Variants in DSCAM observed in about 807,000 individuals in gnomAD.
The protein encoded by DSCAM is cell adhesion molecule DSCAM.
In DSCAM, 47 loss-of-function variants were observed where a neutral mutation model predicts 217.7. The observed-to-expected ratio is 0.22, with a 90% CI of 0.17 to 0.28. The LOEUF is 0.28. DSCAM is among the 10% of genes least tolerant of loss of function. The pLI, the probability that DSCAM is intolerant of heterozygous loss-of-function variation, is 1.00. For synonymous variants in DSCAM, 1,056 were observed against 1,015.3 expected, an observed-to-expected ratio of 1.04 and a Z score of -0.76; for missense variants, 2,080 against 2,618.3, an observed-to-expected ratio of 0.79 and a Z score of 4.49.
chr21:40,704,593 T>C (rs560207121), intron 2 of DSCAM, among the ~76,000 whole-genome samples: 3 of 152,116 alleles, frequency 2.0e-5, no homozygotes, highest in South Asian at 2.1e-4. Context: ...TGGTGACTTA[T>C]GCCTGTAGCC....
chr21:40,843,986 A>T lies in DSCAM; in HGVS notation c.43+2633T>A, dbSNP rs1240782815. On this transcript the variant is annotated intron_variant, in intron 1 of 32. Coordinates refer to ENST00000400454, the MANE Select transcript of DSCAM (RefSeq NM_001389.5). ...TAATCTTTTACAAATGAAAAAAAAA[A>T]GTTATCATGTCAGGCATTTTGATGC... Among the ~76,000 whole-genome samples the T allele has an allele frequency of 3.3e-5, 5 of 152,108 alleles. 1 individual carries two copies. The South Asian group carries it at 1.0e-3, about 32-fold the overall frequency.
chr21:40,370,904 C>T (rs2074890964), intron 3 of DSCAM, among the ~76,000 whole-genome samples: 1 of 152,096 alleles, frequency 6.6e-6, no homozygotes, highest in Non-Finnish European at 1.5e-5. Flanking sequence ...AGTGTAATCC[C>T]TCCCAAAGTG....
chr21:40,778,139 C>A (rs1224079601), intron 1 of DSCAM, among the ~76,000 whole-genome samples: 1 of 152,056 alleles, frequency 6.6e-6, no homozygotes, highest in Non-Finnish European at 1.5e-5. Flanking sequence ...AAAGAAAATT[C>A]TAAAGGATAT....
chr21:40,447,998 A>G (rs2075688741), intron 3 of DSCAM, among the ~76,000 whole-genome samples: 1 of 152,254 alleles, frequency 6.6e-6, no homozygotes, highest in African/African-American at 2.4e-5. Context: ...TAATAAAATT[A>G]AGCATTTCTT....
At chr21:40,367,630 G>T (rs1390823180) in intron 4 of DSCAM, among the ~76,000 whole-genome samples, 1 of 152,058 alleles carries the variant, frequency 6.6e-6, no homozygotes, top group Non-Finnish European at 1.5e-5. Flanking sequence ...AAAAAATATT[G>T]AGTTATTTTC....
chr21:40,343,916 T>C (rs950987962), intron 6 of DSCAM, among the ~76,000 whole-genome samples: 2 of 138,214 alleles, frequency 1.4e-5, no homozygotes. Flanking sequence ...TTTTATTTTA[T>C]TTTTAGAGAT....
intron 1 of DSCAM, among the ~76,000 whole-genome samples, chr21:40,752,919 A>ATGAAGTAATAGATGAAATAGATG (rs2091242656): frequency 6.6e-6 from 1 of 152,180 alleles, no homozygotes; most frequent in Non-Finnish European, 1.5e-5. Context: ...TGTTGAATGA[A>ATGAAGTAATAGATGAAATAGATG]TGAAGTAATA....
At chr21:40,177,515 C>A (rs1032768078) in intron 15 of DSCAM, among the ~76,000 whole-genome samples, 2 of 152,168 alleles carry the variant, frequency 1.3e-5, no homozygotes, top group South Asian at 4.1e-4. Flanking sequence ...TACATTTTAA[C>A]CTATTCTCTT....
chr21:40,772,400 C>T (rs2091453314), intron 1 of DSCAM, among the ~76,000 whole-genome samples: 1 of 152,194 alleles, frequency 6.6e-6, no homozygotes, highest in South Asian at 2.1e-4. Flanking sequence ...AACTCCCGAC[C>T]TCAGGTGATC....
At chr21:40,678,800 G>T (rs2090368856) in intron 3 of DSCAM, among the ~76,000 whole-genome samples, 1 of 152,178 alleles carries the variant, frequency 6.6e-6, no homozygotes, top group Admixed American at 6.5e-5. Flanking sequence ...AAAACTGAAA[G>T]TAAAGTCTGA....
At chr21:40,706,410 T>C (rs575096599) in intron 2 of DSCAM, among the ~76,000 whole-genome samples, 4 of 152,238 alleles carry the variant, frequency 2.6e-5, no homozygotes, top group Admixed American at 2.6e-4. Flanking sequence ...TGATGATTAA[T>C]GAGACATGAT....
intron 18 of DSCAM, among the ~76,000 whole-genome samples, chr21:40,135,287 T>C (rs1018010094): frequency 1.1e-4 from 16 of 152,230 alleles, no homozygotes; most frequent in Admixed American, 8.5e-4. Context: ...TGCTTGTCAA[T>C]CCCTCTCACT....
intron 3 of DSCAM, among the ~76,000 whole-genome samples, chr21:40,434,646 A>C (rs1180893441): frequency 1.3e-5 from 2 of 152,204 alleles, no homozygotes; most frequent in Non-Finnish European, 2.9e-5. Context: ...AAAATAATGC[A>C]GCAGCACCTC....
At chr21:40,526,326 T>C (rs951069678) in intron 3 of DSCAM, among the ~76,000 whole-genome samples, 1 of 152,144 alleles carries the variant, frequency 6.6e-6, no homozygotes, top group Non-Finnish European at 1.5e-5. Flanking sequence ...TGTTCATGCC[T>C]TGTTTGTGAC....
intron 27 of DSCAM, among the ~76,000 whole-genome samples, chr21:40,067,742 T>TTCCCTCCCTCCCTCCCTCCC (rs763376801): frequency 2.5e-5 from 1 of 39,806 alleles, no homozygotes; most frequent in African/African-American, 1.3e-4. Context: ...CCTCCCCTCA[T>TTCCCTCCCTCCCTCCCTCCC]TCCCTCCCTC....
chr21:40,068,371 A>C (rs1032173648), intron 27 of DSCAM, among the ~76,000 whole-genome samples: 6 of 152,246 alleles, frequency 3.9e-5, no homozygotes, highest in Admixed American at 3.9e-4. Flanking sequence ...AGTGGAGAAA[A>C]GAATCAGAGA....
intron 3 of DSCAM, among the ~76,000 whole-genome samples, chr21:40,409,005 A>G (rs950237189): frequency 6.6e-6 from 1 of 152,198 alleles, no homozygotes; most frequent in African/African-American, 2.4e-5. Context: ...AGAAATCACT[A>G]AATATTTATT....
intron 23 of DSCAM, among the ~76,000 whole-genome samples, chr21:40,084,612 G>C (rs2089507563): frequency 6.6e-6 from 1 of 150,908 alleles, no homozygotes; most frequent in African/African-American, 2.4e-5. Context: ...CTCTTACAAG[G>C]CTTGTAGAAT....
In DSCAM at chr21:40,422,508, G is replaced by A. The variant is rs542843024; in HGVS notation, c.509-53263C>T. ...TATACAAAAATTAGCCGGTCATGGTGGTGCATGCCTATAATTCCAGCTACT... is the reference window on the plus strand; with the variant it reads ...TATACAAAAATTAGCCGGTCATGGTAGTGCATGCCTATAATTCCAGCTACT... On this transcript the variant is annotated intron_variant, in intron 3 of 32. Transcript: ENST00000400454. Among the ~76,000 whole-genome samples, 4 of 152,162 alleles carry A rather than the reference G, an allele frequency of 2.6e-5. 1 individual carries two copies. The South Asian group carries it at 8.3e-4, about 32-fold the overall frequency.
Sources: allele counts gnomAD v4.1 joint callset (sites outside exome capture counted in the v4.1 genomes callset), GRCh38; gene constraint gnomAD v4.1.1; transcripts MANE v1.5; gene names NCBI Gene and HGNC (gene_info 2026-07-23, HGNC 2026-07-21).